The following CNTNAP2 variants were observed in gnomAD, a reference collection of about 807,000 sequenced individuals.
CNTNAP2 encodes contactin-associated protein-like 2.
A neutral mutation model predicts 155.2 loss-of-function variants in CNTNAP2; 98 were observed. The observed-to-expected ratio is 0.63, with a 90% CI of 0.54 to 0.75. The LOEUF (loss-of-function observed/expected upper bound fraction) is 0.75, where lower values mean the gene tolerates loss of function less well. Ranked by LOEUF, CNTNAP2 falls within the 30% of genes least tolerant of loss-of-function variation. The pLI is 0.00. For missense variants in CNTNAP2, 1,727 were observed against 1,688.1 expected (o/e 1.02, Z -0.40); for synonymous variants, 651 against 631.2 (o/e 1.03, Z -0.47).
intron 1 of CNTNAP2, among the ~76,000 whole-genome samples, chr7:146,386,793 G>T (rs1372968597): frequency 1.3e-5 from 2 of 152,006 alleles, no homozygotes; most frequent in Non-Finnish European, 2.9e-5. Flanking sequence ...AAAAATTTTA[G>T]CAGTATCATA....
chr7:148,410,985 A>G (rs1262729682), intron 23 of CNTNAP2, among the ~76,000 whole-genome samples: 1 of 152,192 alleles, frequency 6.6e-6, no homozygotes, highest in Non-Finnish European at 1.5e-5. Flanking sequence ...AAATTTTCTC[A>G]TGTACCCCGT....
At chr7:148,375,609 T>C (rs1277350122) in intron 21 of CNTNAP2, among the ~76,000 whole-genome samples, 1 of 150,984 alleles carries the variant, frequency 6.6e-6, no homozygotes, top group Non-Finnish European at 1.5e-5. Context: ...TCCACCTGCC[T>C]CGGCCTCCCA....
chr7:147,365,007 G>A (rs1409308103), intron 9 of CNTNAP2, among the ~76,000 whole-genome samples: 1 of 152,124 alleles, frequency 6.6e-6, no homozygotes, highest in Admixed American at 6.5e-5. Flanking sequence ...AATTAGAGAT[G>A]TTCTTCTAGC....
chr7:147,853,448 C>T (rs920462314), intron 13 of CNTNAP2, among the ~76,000 whole-genome samples: 19 of 152,044 alleles, frequency 1.2e-4, no homozygotes, highest in Non-Finnish European at 1.8e-4. Context: ...GATTAACTAC[C>T]GCTTTAAAAA....
intron 14 of CNTNAP2, among the ~76,000 whole-genome samples, chr7:147,920,072 G>A (rs1171036776): frequency 1.3e-5 from 2 of 151,652 alleles, no homozygotes; most frequent in African/African-American, 4.8e-5. Flanking sequence ...TAAAAAGTAT[G>A]CCTTGGCCGG....
intron 1 of CNTNAP2, among the ~76,000 whole-genome samples, chr7:146,719,960 G>A (rs1300154438): frequency 1.3e-5 from 2 of 152,076 alleles, no homozygotes; most frequent in Admixed American, 6.6e-5. Flanking sequence ...AGCATTGAAA[G>A]AGCTGAATAC....
intron 12 of CNTNAP2, among the ~76,000 whole-genome samples, chr7:147,602,491 C>CT (rs34255836): frequency 1.8e-3 from 269 of 148,122 alleles, no homozygotes; most frequent in Non-Finnish European, 2.7e-3. Flanking sequence ...CATCCTACAT[C>CT]TTTTTTTTTT....
intron 5 of CNTNAP2, among the ~76,000 whole-genome samples, chr7:147,115,720 C>T (rs1406202823): frequency 6.6e-6 from 1 of 152,092 alleles, no homozygotes; most frequent in East Asian, 1.9e-4. Context: ...TATTGTATTA[C>T]CATGATTCTT....
rs1330580429 is a variant in CNTNAP2, at chr7:146,315,928, GAT to G, written c.97+198958_97+198959del. On this transcript the variant is annotated intron_variant, in intron 1 of 23. Coordinates refer to ENST00000361727, the MANE Select transcript of CNTNAP2 (RefSeq NM_014141.6). Reference sequence around the variant, plus strand: ...AAACTAAAAAGTGCTTATAATTTGAGATATTGCTGCCCATTTGAAATTATAAA... The same window carrying G: ...AAACTAAAAAGTGCTTATAATTTGAGATTGCTGCCCATTTGAAATTATAAA... Among the ~76,000 whole-genome samples, 7 of 152,208 alleles carry G rather than the reference GAT, an allele frequency of 4.6e-5. No homozygotes were observed. The South Asian group carries it at 1.5e-3, about 32-fold the overall frequency.
intron 1 of CNTNAP2, among the ~76,000 whole-genome samples, chr7:146,390,634 A>T (rs1795527482): frequency 6.8e-6 from 1 of 147,326 alleles, no homozygotes; most frequent in Admixed American, 6.9e-5. Flanking sequence ...ATGAAATAAA[A>T]ATATATATAT....
At chr7:148,399,961 G>A (rs1190538099) in intron 22 of CNTNAP2, among the ~76,000 whole-genome samples, 1 of 152,170 alleles carries the variant, frequency 6.6e-6, no homozygotes, top group Non-Finnish European at 1.5e-5. Flanking sequence ...AGGTATTCAA[G>A]CACTCTGGGA....
chr7:146,616,905 AAAAC>A (rs1378477714), intron 1 of CNTNAP2, among the ~76,000 whole-genome samples: 8 of 152,250 alleles, frequency 5.3e-5, no homozygotes, highest in African/African-American at 1.9e-4. Context: ...CCATAGAAAA[AAAAC>A]CTAAAGTTGC....
chr7:147,256,799 G>A (rs1384286137), intron 8 of CNTNAP2, among the ~76,000 whole-genome samples: 5 of 152,076 alleles, frequency 3.3e-5, no homozygotes, highest in South Asian at 2.1e-4. Context: ...TGTCATCTGC[G>A]TAATTCAAAG....
intron 10 of CNTNAP2, among the ~76,000 whole-genome samples, chr7:147,407,300 C>T (rs1312428670): frequency 6.6e-6 from 1 of 151,718 alleles, no homozygotes; most frequent in Non-Finnish European, 1.5e-5. Context: ...AACCCCGTCT[C>T]TCCTAAAAAT....
chr7:147,331,683 G>A (rs13236015), intron 9 of CNTNAP2, among the ~76,000 whole-genome samples: 1 of 152,148 alleles, frequency 6.6e-6, no homozygotes, highest in African/African-American at 2.4e-5. Context: ...GAAGCCACCA[G>A]AGGAGAGAGA....
intron 13 of CNTNAP2, among the ~76,000 whole-genome samples, chr7:147,706,689 AG>A (rs1796321930): frequency 6.6e-6 from 1 of 152,118 alleles, no homozygotes; most frequent in Admixed American, 6.5e-5. Context: ...AGACTTTGAA[AG>A]TTTTCAGCTA....
At chr7:146,220,787 G>T (rs1479137799) in intron 1 of CNTNAP2, among the ~76,000 whole-genome samples, 1 of 152,150 alleles carries the variant, frequency 6.6e-6, no homozygotes, top group Non-Finnish European at 1.5e-5. Context: ...GATTTTGCCT[G>T]GGATTTGGAA....
In CNTNAP2 at chr7:146,246,744, C is replaced by T. The variant is rs557675512; in HGVS notation, c.97+129771C>T. On this transcript the variant is annotated intron_variant, in intron 1 of 23. Transcript: ENST00000361727. Reference sequence around the variant, plus strand: ...TGGCTGCCAGGTGAGTTGGACAGTCCGATTTCTAGTGGTGTCCTGCACAGA... The same window carrying T: ...TGGCTGCCAGGTGAGTTGGACAGTCTGATTTCTAGTGGTGTCCTGCACAGA... 5.1e-4 allele frequency among the ~76,000 whole-genome samples: 78 copies of T among 152,210 alleles called. 1 individual carries two copies. The highest frequency in any genetic ancestry group is 1.7e-3 in the African/African-American group (69 of 41,506).
chr7:147,959,760 G>A (rs771124137), intron 14 of CNTNAP2, among the ~76,000 whole-genome samples: 7 of 152,126 alleles, frequency 4.6e-5, no homozygotes, highest in Non-Finnish European at 1.0e-4. Context: ...ATGCTGGTGG[G>A]TGTGTCTTAT....
Sources: allele counts gnomAD v4.1 joint callset (sites outside exome capture counted in the v4.1 genomes callset), GRCh38; gene constraint gnomAD v4.1.1; transcripts MANE v1.5; gene names NCBI Gene and HGNC (gene_info 2026-07-23, HGNC 2026-07-21).